THADA: variants seen among roughly 807,000 people sequenced by gnomAD.
The protein encoded by THADA is THADA armadillo repeat containing.
A neutral mutation model predicts 219.8 loss-of-function variants in THADA; 213 were observed. The observed-to-expected ratio is 0.97, with a 90% CI of 0.87 to 1.09. The LOEUF is 1.09. Ranked by LOEUF, THADA falls within the 50% of genes least tolerant of loss-of-function variation. The pLI is 0.00. For synonymous variants in THADA, 1,018 were observed against 828.9 expected (o/e 1.23, Z -3.92); for missense variants, 2,956 against 2,311.3 (o/e 1.28, Z -5.72).
rs1293121476 is a variant in THADA at position 43,498,834 on chromosome 2, G to A, written c.3743C>T (p.Ala1248Val). 2 of 1,612,704 alleles carry A rather than the reference G, an allele frequency of 1.2e-6. No homozygotes were observed. Among genetic ancestry groups the A allele is most frequent in the South Asian group, 1.1e-5 (1 of 90,584 alleles). The change falls in exon 25 of 38, where the codon GCA (alanine) becomes GTA (valine). Residue 1248 changes from alanine to valine, a missense_variant and splice_region_variant. Coordinates refer to ENST00000405975, the MANE Select transcript of THADA (RefSeq NM_022065.5). ...AAAATAAATAGTGACAGCACTTACT[G>A]CCCAGACCGGTGATGTAAAACCCAG... Reference protein sequence around the residue: ...AILGFTSPVWAVRNSSTLLFS... With the variant: ...AILGFTSPVWVVRNSSTLLFS...
chr2:43,567,355 C>A (rs977161884), intron 14 of THADA, among the ~76,000 whole-genome samples: 2 of 152,028 alleles, frequency 1.3e-5, no homozygotes, highest in Admixed American at 1.3e-4. Context: ...AAGGGCCAGG[C>A]GTGGTGGCTC....
intron 26 of THADA, among the ~76,000 whole-genome samples, chr2:43,439,708 A>C (rs1466235776): frequency 6.6e-6 from 1 of 152,218 alleles, no homozygotes; most frequent in Non-Finnish European, 1.5e-5. Context: ...TGCATAGGAA[A>C]AAATATAGTG....
intron 19 of THADA, 110 bp from the exon 20 acceptor site, chr2:43,549,478 C>T: frequency 2.7e-6 from 3 of 1,125,840 alleles, no homozygotes; most frequent in South Asian, 1.6e-5. Flanking sequence ...TAATAATCAG[C>T]TTTATTAGAA....
At chr2:43,389,610 A>T (rs1324667160) in intron 29 of THADA, among the ~76,000 whole-genome samples, 1 of 152,224 alleles carries the variant, frequency 6.6e-6, no homozygotes, top group Non-Finnish European at 1.5e-5. Flanking sequence ...GGTCTCTCAC[A>T]TGCTGACCTG....
At chr2:43,499,372 TTTTTATTTTA>T (rs948787777) in intron 24 of THADA, among the ~76,000 whole-genome samples, 165 of 152,212 alleles carry the variant, frequency 1.1e-3, no homozygotes, top group African/African-American at 3.8e-3. Flanking sequence ...AAAACTTTAT[TTTTTATTTTA>T]TTTTATTTTA....
intron 31 of THADA, among the ~76,000 whole-genome samples, chr2:43,297,902 G>C (rs1476260129): frequency 9.2e-6 from 1 of 108,216 alleles, no homozygotes; most frequent in Non-Finnish European, 1.8e-5. Context: ...CCCCTACTGG[G>C]AAGTGAGGAG....
intron 4 of THADA, 38 bp downstream of exon 4, chr2:43,590,786 C>A: frequency 6.3e-7 from 1 of 1,598,776 alleles, no homozygotes; most frequent in South Asian, 1.1e-5. Context: ...TCAAATTCAA[C>A]ATTTATAACA....
intron 25 of THADA, among the ~76,000 whole-genome samples, chr2:43,493,562 C>T (rs1447581255): frequency 6.6e-6 from 1 of 151,952 alleles, no homozygotes; most frequent in Non-Finnish European, 1.5e-5. Flanking sequence ...GTTTTTTGGG[C>T]GGGCTCCACT....
At chr2:43,487,194 C>T (rs1687020808) in intron 25 of THADA, among the ~76,000 whole-genome samples, 1 of 152,164 alleles carries the variant, frequency 6.6e-6, no homozygotes. Context: ...TCTACCTGAT[C>T]TAGTGAGGTA....
intron 31 of THADA, among the ~76,000 whole-genome samples, chr2:43,305,461 C>CT (rs1418273053): frequency 6.6e-6 from 1 of 152,214 alleles, no homozygotes; most frequent in Non-Finnish European, 1.5e-5. Flanking sequence ...ACCCCATCAT[C>CT]TCTGCTTACA....
chr2:43,393,825 A>C (rs976079796), intron 29 of THADA, among the ~76,000 whole-genome samples: 4 of 152,188 alleles, frequency 2.6e-5, no homozygotes, highest in African/African-American at 9.7e-5. Flanking sequence ...CTGAAAATTC[A>C]AACTCTTATT....
chr2:43,515,147 ATT>A (rs371136761), intron 22 of THADA, among the ~76,000 whole-genome samples: 2,672 of 10,940 alleles, frequency 0.24, 560 homozygotes, highest in Middle Eastern at 0.5. Flanking sequence ...TATATAATAT[ATT>A]TTATATATTA....
chr2:43,526,803 T>C (rs777105152), intron 22 of THADA, among the ~76,000 whole-genome samples: 1 of 152,158 alleles, frequency 6.6e-6, no homozygotes, highest in Non-Finnish European at 1.5e-5. Flanking sequence ...AGGAACTTCA[T>C]CTTATAAAAA....
intron 22 of THADA, among the ~76,000 whole-genome samples, chr2:43,517,788 T>C (rs999109454): frequency 3.9e-5 from 6 of 152,162 alleles, no homozygotes; most frequent in African/African-American, 9.7e-5. Context: ...ATACATGTGG[T>C]TGGAGACTCT....
intron 28 of THADA, among the ~76,000 whole-genome samples, chr2:43,425,257 T>C (rs977939636): frequency 1.3e-5 from 2 of 152,142 alleles, no homozygotes; most frequent in Non-Finnish European, 1.5e-5. Flanking sequence ...GTAAGTAAAA[T>C]GACCAGTTCA....
At chr2:43,586,659 C>G in intron 6 of THADA, 43 bp downstream of exon 6, 1 of 1,584,588 alleles carries the variant, frequency 6.3e-7, no homozygotes, top group Non-Finnish European at 8.6e-7. Context: ...ATGACTCATA[C>G]AAGCCATCAA....
rs752090937 is a variant in THADA at position 43,508,653 on chromosome 2, T to C, written c.3502A>G (p.Ile1168Val). 1.7e-5 allele frequency: 28 copies of C among 1,612,878 alleles called. No individual in the cohort carries two copies. Among genetic ancestry groups the C allele is most frequent in the East Asian group, 2.2e-5 (1 of 44,870 alleles). ...AGGGTCCTACAGATAAATACCTGTA[T>C]GTAGAAAGGAATTCCAGCACTGCGC... ...TRRSAGIPFYIQALLASEPKK... is the reference protein window; with the variant it reads ...TRRSAGIPFYVQALLASEPKK... Residue 1168 changes from isoleucine (I) to valine (V), a missense_variant, in exon 23 of 38, where the codon ATA (isoleucine) becomes GTA (valine). Transcript: ENST00000405975.
intron 36 of THADA, among the ~76,000 whole-genome samples, chr2:43,263,631 C>A (rs1023043828): frequency 5.9e-5 from 9 of 152,216 alleles, no homozygotes; most frequent in Non-Finnish European, 1.5e-5. Flanking sequence ...ACATTCCTTT[C>A]TCTTCTATTT....
intron 28 of THADA, among the ~76,000 whole-genome samples, chr2:43,413,920 C>A (rs550968161): frequency 3.9e-5 from 6 of 152,308 alleles, no homozygotes; most frequent in African/African-American, 1.4e-4. Context: ...GGTTCTAGGA[C>A]CCGTGAGATG....
Sources: gnomAD v4.1 joint callset for allele counts (sites outside exome capture counted in the v4.1 genomes callset) on GRCh38, gnomAD v4.1.1 for gene constraint, MANE v1.5 for transcripts, NCBI Gene and HGNC (gene_info 2026-07-23, HGNC 2026-07-21) for gene names.